The following MAF variants were observed in gnomAD, a reference collection of about 807,000 sequenced individuals.
The protein encoded by MAF is transcription factor Maf.
MAF carries 10 observed loss-of-function variants against 22.0 expected under a neutral mutation model. The observed-to-expected ratio is 0.45, with a 90% CI of 0.28 to 0.77. MAF has a LOEUF of 0.77. Ranked by LOEUF, MAF falls within the 30% of genes least tolerant of loss-of-function variation. The pLI, the probability that MAF is intolerant of heterozygous loss-of-function variation, is 0.12. For missense variants in MAF, 544 were observed against 548.4 expected, an observed-to-expected ratio of 0.99 and a Z score of 0.08; for synonymous variants, 337 against 255.8, an observed-to-expected ratio of 1.32 and a Z score of -3.03.
the MAF span, among the ~76,000 whole-genome samples, chr16:79,520,760 A>G: frequency 6.6e-6 from 1 of 152,122 alleles, no homozygotes; most frequent in Non-Finnish European, 1.5e-5. Context: ...GTATTTCTGC[A>G]CCTGAAAGCA....
the MAF span, among the ~76,000 whole-genome samples, chr16:79,483,609 G>C: frequency 1.3e-5 from 2 of 152,070 alleles, no homozygotes; most frequent in Non-Finnish European, 1.5e-5. Flanking sequence ...TTGAGAATGA[G>C]AATAAGTATG....
At chr16:79,593,210 CGGAAGTAAG>C (rs1567561283), downstream of MAF, among the ~76,000 whole-genome samples, 1 of 152,000 alleles carries the variant, frequency 6.6e-6, no homozygotes, top group African/African-American at 2.4e-5. Flanking sequence ...TATGTGAATA[CGGAAGTAAG>C]TTGGCCTAAA....
chr16:79,219,683 C>T, the MAF span, among the ~76,000 whole-genome samples: 3 of 151,832 alleles, frequency 2.0e-5, no homozygotes, highest in South Asian at 2.1e-4. Context: ...CACCATTGTA[C>T]GTCTCCACTC....
the MAF span, among the ~76,000 whole-genome samples, chr16:79,238,797 G>A: frequency 1.3e-5 from 2 of 151,848 alleles, no homozygotes; most frequent in Non-Finnish European, 2.9e-5. Context: ...TGCTAAATCT[G>A]GTCACCTAGG....
At chr16:79,538,275 A>G in the MAF span, among the ~76,000 whole-genome samples, 89 of 152,370 alleles carry the variant, frequency 5.8e-4, no homozygotes, top group South Asian at 7.2e-3. Context: ...GTGTAAAATT[A>G]AAGCACAGTA....
At chr16:79,406,974 G>A in the MAF span, among the ~76,000 whole-genome samples, 2 of 152,156 alleles carry the variant, frequency 1.3e-5, no homozygotes, top group African/African-American at 4.8e-5. Flanking sequence ...CAGACTTCTG[G>A]AGCTGCAGGG....
At chr16:79,396,102 G>A in the MAF span, among the ~76,000 whole-genome samples, 1 of 152,182 alleles carries the variant, frequency 6.6e-6, no homozygotes. Context: ...TCCCTTATGC[G>A]TAGAGGATCT....
At chr16:79,429,346 G>A in the MAF span, among the ~76,000 whole-genome samples, 2 of 152,156 alleles carry the variant, frequency 1.3e-5, no homozygotes, top group South Asian at 2.1e-4. Context: ...GCAGAGGACC[G>A]ACGGAGGGAT....
At chr16:79,477,444 A>G in the MAF span, among the ~76,000 whole-genome samples, 1 of 152,162 alleles carries the variant, frequency 6.6e-6, no homozygotes, top group Non-Finnish European at 1.5e-5. Flanking sequence ...CGTAGGAAAC[A>G]TCATTTGCCT....
chr16:79,205,990 C>G, the MAF span: 1 of 152,148 alleles, frequency 6.6e-6, no homozygotes, highest in Admixed American at 6.5e-5. Context: ...AATCTGGCAC[C>G]TGGAGATGGC....
At chr16:79,397,686 T>A in the MAF span, among the ~76,000 whole-genome samples, 1 of 152,192 alleles carries the variant, frequency 6.6e-6, no homozygotes, top group South Asian at 2.1e-4. Context: ...GACCCTGTGT[T>A]ATCAATGCTT....
At chr16:79,255,969 TTTCTTTTCTTTTC>T in the MAF span, among the ~76,000 whole-genome samples, 6 of 131,474 alleles carry the variant, frequency 4.6e-5, no homozygotes, top group African/African-American at 1.5e-4. Flanking sequence ...TCTTTTCTTT[TTTCTTTTCTTTTC>T]TTTTTTTTTT....
At chr16:79,215,725 A>G in the MAF span, among the ~76,000 whole-genome samples, 2 of 152,168 alleles carry the variant, frequency 1.3e-5, no homozygotes, top group African/African-American at 4.8e-5. Flanking sequence ...TCATTTAACA[A>G]ACATACCAAG....
chr16:79,499,560 G>A, the MAF span, among the ~76,000 whole-genome samples: 193 of 152,264 alleles, frequency 1.3e-3, 1 homozygote, highest in Middle Eastern at 0.02. Flanking sequence ...ATTAAGTCAC[G>A]AGAATGGGGT....
At chr16:79,341,056 C>A in the MAF span, among the ~76,000 whole-genome samples, 1 of 152,078 alleles carries the variant, frequency 6.6e-6, no homozygotes, top group Non-Finnish European at 1.5e-5. Context: ...CCAAGGCCTG[C>A]AGCATGGAAG....
the MAF span, among the ~76,000 whole-genome samples, chr16:79,420,064 A>T: frequency 6.6e-6 from 1 of 151,844 alleles, no homozygotes; most frequent in South Asian, 2.1e-4. Context: ...TCAAGTAAAC[A>T]TACTGCAAAA....
the MAF span, among the ~76,000 whole-genome samples, chr16:79,253,335 C>A: frequency 1.3e-5 from 2 of 152,158 alleles, no homozygotes; most frequent in Admixed American, 6.5e-5. Flanking sequence ...GGGCCTTTTC[C>A]CTGGACTAAA....
the MAF span, among the ~76,000 whole-genome samples, chr16:79,424,106 T>G: frequency 6.6e-6 from 1 of 152,206 alleles, no homozygotes; most frequent in African/African-American, 2.4e-5. Context: ...TATTTATAGT[T>G]TACACAAACC....
At chr16:79,263,195 G>A in the MAF span, among the ~76,000 whole-genome samples, 2,319 of 152,276 alleles carry the variant, frequency 0.015, 22 homozygotes, top group Non-Finnish European at 0.022. Context: ...TAGGGAGGCC[G>A]GGAAATGGAT....
Sources: allele counts gnomAD v4.1 joint callset (sites outside exome capture counted in the v4.1 genomes callset), GRCh38; gene constraint gnomAD v4.1.1; transcripts MANE v1.5; gene names NCBI Gene and HGNC (gene_info 2026-07-23, HGNC 2026-07-21).